Variants in RTN1 observed in about 807,000 individuals in gnomAD.
RTN1 encodes reticulon 1.
RTN1 carries 25 observed loss-of-function variants against 65.5 expected under a neutral mutation model. That is an observed-to-expected ratio of 0.38 (90% CI 0.28 to 0.53). The LOEUF is 0.53. Ranked by LOEUF, RTN1 falls within the 20% of genes least tolerant of loss-of-function variation. The pLI is 0.79. For missense variants in RTN1, 983 were observed against 1,025.4 expected (o/e 0.96, Z 0.57); for synonymous variants, 471 against 447.6 (o/e 1.05, Z -0.66).
chr14:59,850,526 G>C (rs1887485462), intron 1 of RTN1, among the ~76,000 whole-genome samples: 1 of 152,158 alleles, frequency 6.6e-6, no homozygotes, highest in Admixed American at 6.5e-5. Context: ...TTAAATTGAG[G>C]ACCATATACA....
chr14:59,780,949 C>T (rs1886144268), intron 1 of RTN1, among the ~76,000 whole-genome samples: 1 of 152,192 alleles, frequency 6.6e-6, no homozygotes, highest in Non-Finnish European at 1.5e-5. Context: ...CCTCTCCCTA[C>T]AGTACTATCA....
intron 3 of RTN1, among the ~76,000 whole-genome samples, chr14:59,669,044 T>C (rs1883443165): frequency 6.6e-6 from 1 of 152,096 alleles, no homozygotes; most frequent in African/African-American, 2.4e-5. Flanking sequence ...GAAGACAGTG[T>C]GGCGATTCCT....
chr14:59,725,079 C>A (rs1446732124), intron 3 of RTN1, among the ~76,000 whole-genome samples: 1 of 152,184 alleles, frequency 6.6e-6, no homozygotes, highest in Admixed American at 6.5e-5. Flanking sequence ...CCATATGGGG[C>A]AACTTGTACA....
chr14:59,740,142 T>C (rs1379623896), intron 2 of RTN1, among the ~76,000 whole-genome samples: 1 of 152,034 alleles, frequency 6.6e-6, no homozygotes, highest in East Asian at 1.9e-4. Context: ...TGAAAGTGCC[T>C]TGGGAGCAAA....
At chr14:59,676,225 T>C (rs1883624649) in intron 3 of RTN1, among the ~76,000 whole-genome samples, 1 of 152,202 alleles carries the variant, frequency 6.6e-6, no homozygotes, top group South Asian at 2.1e-4. Flanking sequence ...GTCTTCAACT[T>C]GAAGTGGAAA....
At chr14:59,843,483 G>T (rs1887351303) in intron 1 of RTN1, among the ~76,000 whole-genome samples, 1 of 152,154 alleles carries the variant, frequency 6.6e-6, no homozygotes, top group African/African-American at 2.4e-5. Context: ...AGATTAAATG[G>T]TATAATTAAG....
At chr14:59,822,436 CTTGT>C (rs1255330540) in intron 1 of RTN1, among the ~76,000 whole-genome samples, 1 of 152,094 alleles carries the variant, frequency 6.6e-6, no homozygotes, top group African/African-American at 2.4e-5. Context: ...ATCTATCAAC[CTTGT>C]TTAATATTTC....
At chr14:59,789,050 C>T (rs2139585384) in intron 1 of RTN1, among the ~76,000 whole-genome samples, 1 of 151,934 alleles carries the variant, frequency 6.6e-6, no homozygotes, top group Admixed American at 6.6e-5. Flanking sequence ...TAATTTTTCC[C>T]TACATATTTT....
chr14:59,641,247 A>G (rs1358935731), intron 3 of RTN1, among the ~76,000 whole-genome samples: 1 of 152,098 alleles, frequency 6.6e-6, no homozygotes, highest in Non-Finnish European at 1.5e-5. Context: ...GATTACAGGT[A>G]TGAGCTACCA....
rs189340619 is a variant in RTN1 at position 59,714,490 on chromosome 14, G to C, written c.1765+12429C>G. On this transcript the variant is annotated intron_variant, in intron 3 of 8. Coordinates refer to ENST00000267484, the MANE Select transcript of RTN1 (RefSeq NM_021136.3). ...AGCTTTCCACCAGGTAGTCATATAG[G>C]AGCCCAGGTTCCTTCTCCTTTGCCA... Among the ~76,000 whole-genome samples the C allele has an allele frequency of 3.9e-5, 6 of 152,210 alleles. No homozygotes were observed. In the East Asian group the frequency reaches 1.2e-3, roughly 29 times the overall value.
At chr14:59,712,057 G>C (rs1884431414) in intron 3 of RTN1, among the ~76,000 whole-genome samples, 1 of 152,136 alleles carries the variant, frequency 6.6e-6, no homozygotes, top group African/African-American at 2.4e-5. Flanking sequence ...CTGAATAAAG[G>C]AAAGCCTCCA....
At chr14:59,662,913 C>G (rs548595817) in intron 3 of RTN1, among the ~76,000 whole-genome samples, 37 of 152,148 alleles carry the variant, frequency 2.4e-4, no homozygotes, top group Non-Finnish European at 4.7e-4. Context: ...TTAGAAAAAA[C>G]TACTTTAAAG....
At chr14:59,822,062 T>C (rs1886953053) in intron 1 of RTN1, among the ~76,000 whole-genome samples, 1 of 152,214 alleles carries the variant, frequency 6.6e-6, no homozygotes, top group South Asian at 2.1e-4. Flanking sequence ...TCTCAGTTTC[T>C]TGGAATAATT....
intron 1 of RTN1, among the ~76,000 whole-genome samples, chr14:59,865,911 T>C (rs1887789904): frequency 1.3e-5 from 2 of 152,122 alleles, no homozygotes; most frequent in South Asian, 2.1e-4. Flanking sequence ...AGATAGATGA[T>C]AGAAATAAAG....
chr14:59,767,779 C>G (rs969089522), intron 1 of RTN1, among the ~76,000 whole-genome samples: 3 of 152,186 alleles, frequency 2.0e-5, no homozygotes, highest in Admixed American at 2.0e-4. Flanking sequence ...TTTCTCCCTT[C>G]CAATGTTTTC....
chr14:59,841,704 T>TAA (rs71451082), intron 1 of RTN1, among the ~76,000 whole-genome samples: 16 of 101,828 alleles, frequency 1.6e-4, no homozygotes, highest in African/African-American at 4.7e-4. Flanking sequence ...GAGACTCCAT[T>TAA]AAAAAAAAAA....
chr14:59,789,517 C>G (rs1886310295), intron 1 of RTN1, among the ~76,000 whole-genome samples: 1 of 152,108 alleles, frequency 6.6e-6, no homozygotes, highest in East Asian at 1.9e-4. Flanking sequence ...ACTTTGTAAA[C>G]TTTTATGCAA....
At chr14:59,742,539 A>C (rs1885135373) in intron 2 of RTN1, among the ~76,000 whole-genome samples, 1 of 152,212 alleles carries the variant, frequency 6.6e-6, no homozygotes, top group Non-Finnish European at 1.5e-5. Context: ...ACAAAATGGA[A>C]TAATCTATTG....
intron 2 of RTN1, among the ~76,000 whole-genome samples, chr14:59,737,898 A>C (rs1309910245): frequency 6.6e-6 from 1 of 152,204 alleles, no homozygotes; most frequent in Non-Finnish European, 1.5e-5. Flanking sequence ...CCTTACAAAA[A>C]CAAGCAATGG....
Sources: allele counts gnomAD v4.1 joint callset (sites outside exome capture counted in the v4.1 genomes callset), GRCh38; gene constraint gnomAD v4.1.1; transcripts MANE v1.5; gene names NCBI Gene and HGNC (gene_info 2026-07-23, HGNC 2026-07-21).